The following CNOT6L variants were observed in gnomAD, a reference collection of about 807,000 sequenced individuals.
CNOT6L encodes the protein CCR4-NOT transcription complex subunit 6-like.
CNOT6L carries 7 observed loss-of-function variants against 64.0 expected under a neutral mutation model. The ratio of observed to expected loss-of-function variants is 0.11; its 90% CI spans 0.06 to 0.21. The LOEUF (loss-of-function observed/expected upper bound fraction) is 0.21. Among genes scored for constraint, CNOT6L ranks in the 10% least tolerant of loss-of-function variants. The probability of loss-of-function intolerance (pLI) is 1.00; values close to 1 mark genes in which losing one functional copy is unlikely to be tolerated. For synonymous variants in CNOT6L, 193 were observed against 243.4 expected (o/e 0.79, Z 1.93); for missense variants, 245 against 669.0 (o/e 0.37, Z 6.99).
chr4:77,820,165 C>T (rs1734118629), upstream of CNOT6L, among the ~76,000 whole-genome samples: 1 of 152,016 alleles, frequency 6.6e-6, no homozygotes, highest in African/African-American at 2.4e-5. Context: ...CCCCCGAGGG[C>T]CGGGGGAGAG....
chr4:77,723,869 A>G (rs1465621809), intron 11 of CNOT6L, among the ~76,000 whole-genome samples: 2 of 152,218 alleles, frequency 1.3e-5, no homozygotes, highest in East Asian at 1.9e-4. Flanking sequence ...CTGTCAGTAA[A>G]TAATTTTAAA....
chr4:77,819,141 C>A (rs1259146934), intron 1 of CNOT6L, 163 bp downstream of exon 1: 17 of 1,400,288 alleles, frequency 1.2e-5, no homozygotes, highest in Admixed American at 1.9e-5. Context: ...AGTCACCCGA[C>A]ACACACCCAC....
At chr4:77,807,170 C>T (rs554303309) in intron 1 of CNOT6L, among the ~76,000 whole-genome samples, 7 of 150,120 alleles carry the variant, frequency 4.7e-5, no homozygotes, top group African/African-American at 1.2e-4. Context: ...CCCAGCTACT[C>T]GGGAGGCTGA....
chr4:77,736,880 C>A (rs1043691979), intron 8 of CNOT6L, among the ~76,000 whole-genome samples: 1 of 151,878 alleles, frequency 6.6e-6, no homozygotes, highest in Non-Finnish European at 1.5e-5. Context: ...ATAATAAAGA[C>A]TGCTATGACC....
chr4:77,804,481 G>C (rs1020473240), intron 1 of CNOT6L, among the ~76,000 whole-genome samples: 20 of 150,994 alleles, frequency 1.3e-4, no homozygotes, highest in Admixed American at 5.9e-4. Context: ...CATGAATCTT[G>C]AAAATATTAT....
At chr4:77,813,720 A>C (rs1188562017) in intron 1 of CNOT6L, among the ~76,000 whole-genome samples, 1 of 152,186 alleles carries the variant, frequency 6.6e-6, no homozygotes, top group Non-Finnish European at 1.5e-5. Flanking sequence ...ACCTGCTAGA[A>C]GAACTATGAT....
intron 2 of CNOT6L, 144 bp from the exon 3 acceptor site, chr4:77,774,860 T>C: frequency 1.8e-6 from 1 of 541,998 alleles, no homozygotes; most frequent in Non-Finnish European, 3.1e-6. Context: ...TTTAATGCCA[T>C]TTGATTGCTT....
chr4:77,725,212 CT>C (rs1721708749), intron 11 of CNOT6L, among the ~76,000 whole-genome samples: 1 of 152,134 alleles, frequency 6.6e-6, no homozygotes, highest in East Asian at 1.9e-4. Context: ...AATTTCTTTT[CT>C]TCCTCCTATT....
At position 77,742,392 on chromosome 4, in the gene CNOT6L, A is replaced by C. The variant is rs1234236848; in HGVS notation, c.718-97T>G. 3.6e-6 allele frequency: 4 copies of C among 1,108,686 alleles called. No homozygotes were observed. In the East Asian group the frequency reaches 1.0e-4, roughly 29 times the overall value. The allele number at this position is 1,108,686 out of a possible 1,614,324, so 68.7% of individuals were successfully genotyped here. ...ATTATGAGTAAGATGTAACTTAGTAAAAATAATTCACATAGCAAATATTAT... is the reference window on the plus strand; with the variant it reads ...ATTATGAGTAAGATGTAACTTAGTACAAATAATTCACATAGCAAATATTAT... On this transcript the variant is annotated intron_variant, in intron 7 of 11. Coordinates refer to ENST00000504123, the MANE Select transcript of CNOT6L (RefSeq NM_144571.3).
chr4:77,812,127 A>C (rs578170691), intron 1 of CNOT6L, among the ~76,000 whole-genome samples: 6 of 152,152 alleles, frequency 3.9e-5, no homozygotes, highest in Non-Finnish European at 7.3e-5. Context: ...TGTATGTAGA[A>C]AATCTTATGG....
chr4:77,800,381 T>C (rs1157564192), intron 1 of CNOT6L, among the ~76,000 whole-genome samples: 3 of 151,916 alleles, frequency 2.0e-5, no homozygotes, highest in Non-Finnish European at 4.4e-5. Flanking sequence ...CACAGTAGCA[T>C]GTGACTGTGA....
chr4:77,811,807 A>C (rs192976147), intron 1 of CNOT6L, among the ~76,000 whole-genome samples: 1 of 152,082 alleles, frequency 6.6e-6, no homozygotes, highest in Non-Finnish European at 1.5e-5. Context: ...TTAATGAAAA[A>C]CTTATAGCTC....
chr4:77,820,229 A>T (rs1734124112), upstream of CNOT6L, among the ~76,000 whole-genome samples: 1 of 152,030 alleles, frequency 6.6e-6, no homozygotes, highest in Non-Finnish European at 1.5e-5. Flanking sequence ...AGAGTGCGAG[A>T]ACGAGGAGGG....
At chr4:77,726,734 T>C (rs1721890463) in intron 10 of CNOT6L, among the ~76,000 whole-genome samples, 1 of 152,208 alleles carries the variant, frequency 6.6e-6, no homozygotes, top group African/African-American at 2.4e-5. Flanking sequence ...CAAACCACTA[T>C]CTCTTTAGTA....
At chr4:77,800,523 T>C (rs1731410584) in intron 1 of CNOT6L, among the ~76,000 whole-genome samples, 1 of 151,356 alleles carries the variant, frequency 6.6e-6, no homozygotes. Context: ...AAAAAAAAAA[T>C]TAAAAAAAAT....
chr4:77,786,771 GGCCTAAAAA>G (rs1263697139), intron 1 of CNOT6L, among the ~76,000 whole-genome samples: 6 of 151,792 alleles, frequency 4.0e-5, no homozygotes, highest in Admixed American at 3.9e-4. Flanking sequence ...GCCAAGGCCT[GGCCTAAAAA>G]TATTTTTAAA....
intron 1 of CNOT6L, among the ~76,000 whole-genome samples, chr4:77,786,839 A>G (rs567999390): frequency 2.0e-5 from 3 of 152,202 alleles, no homozygotes; most frequent in Non-Finnish European, 4.4e-5. Context: ...TTGCTGAAAA[A>G]TATCACCAGA....
At chr4:77,763,974 A>C (rs1726528575) in intron 4 of CNOT6L, among the ~76,000 whole-genome samples, 1 of 152,228 alleles carries the variant, frequency 6.6e-6, no homozygotes, top group Non-Finnish European at 1.5e-5. Context: ...TGCAACAAAA[A>C]AGTAGCCAAA....
At chr4:77,818,800 G>A (rs866390409) in intron 1 of CNOT6L, among the ~76,000 whole-genome samples, 1 of 151,844 alleles carries the variant, frequency 6.6e-6, no homozygotes, top group Admixed American at 6.6e-5. Flanking sequence ...AGGTGGGCGG[G>A]CGCCCAGGCA....
Sources: gnomAD v4.1 joint callset for allele counts (sites outside exome capture counted in the v4.1 genomes callset) on GRCh38, gnomAD v4.1.1 for gene constraint, MANE v1.5 for transcripts, NCBI Gene and HGNC (gene_info 2026-07-23, HGNC 2026-07-21) for gene names.